Variants in LRRC7 observed in about 807,000 individuals in gnomAD.
LRRC7 encodes leucine-rich repeat-containing protein 7.
Under a neutral mutation model 175.7 loss-of-function variants are expected in LRRC7, and 23 were observed. The observed-to-expected ratio is 0.13, with a 90% CI of 0.09 to 0.19. The LOEUF is 0.19. LRRC7 is among the 10% of genes least tolerant of loss of function. LRRC7 has a pLI of 1.00. For missense variants in LRRC7, 1,354 were observed against 1,904.7 expected, an observed-to-expected ratio of 0.71 and a Z score of 5.38; for synonymous variants, 685 against 680.9, an observed-to-expected ratio of 1.01 and a Z score of -0.09.
intron 7 of LRRC7, among the ~76,000 whole-genome samples, chr1:69,925,172 C>T (rs1458235213): frequency 6.6e-6 from 1 of 152,268 alleles, no homozygotes; most frequent in Admixed American, 6.5e-5. Flanking sequence ...GGTGGATAAG[C>T]TTTTTGATGT....
intron 23 of LRRC7, among the ~76,000 whole-genome samples, chr1:70,069,332 TA>T (rs1461873264): frequency 2.6e-5 from 4 of 152,230 alleles, no homozygotes; most frequent in African/African-American, 9.6e-5. Context: ...CAGATGCTTA[TA>T]AACCCATCAG....
rs1053017227 is a variant in LRRC7 at position 69,676,316 on chromosome 1, A to G, written c.3-2065A>G. Among the ~76,000 whole-genome samples the G allele has an allele frequency of 5.9e-5, 9 of 152,094 alleles. No homozygotes were observed. The South Asian group carries it at 1.9e-3, about 32-fold the overall frequency. On this transcript the variant is annotated intron_variant, in intron 1 of 26. Transcript: ENST00000651989. The stretch of plus-strand genomic sequence containing the variant: ...CTGCCAGTATACCCGTAATAATCAC[A>G]CTGTTTTCAATGGTATGCATGCTAT...
chr1:69,596,572 G>T (rs1435869566), intron 1 of LRRC7, among the ~76,000 whole-genome samples: 1 of 152,066 alleles, frequency 6.6e-6, no homozygotes, highest in Non-Finnish European at 1.5e-5. Context: ...ACTAAATTGT[G>T]GTTATAAATA....
At chr1:70,045,826 G>C (rs1476252538) in intron 22 of LRRC7, among the ~76,000 whole-genome samples, 1 of 152,134 alleles carries the variant, frequency 6.6e-6, no homozygotes, top group Non-Finnish European at 1.5e-5. Context: ...AAGATTGCTT[G>C]TGCAGGGGAA....
chr1:70,039,230 GTGGTGAAT>G lies in LRRC7; in HGVS notation c.3407_3414del (p.Val1136GlyfsTer29). 1 of 1,613,894 alleles carries G rather than the reference GTGGTGAAT, an allele frequency of 6.2e-7. No individual in the cohort carries two copies. Among genetic ancestry groups the G allele is most frequent in the Middle Eastern group, 1.7e-4 (1 of 6,060 alleles). On this transcript the variant is annotated frameshift_variant, in exon 21 of 27. Transcript: ENST00000651989. LOFTEE classifies it high-confidence loss of function. ...TCAGCCATCTGTGAATGAGGATGCT[GTGGTGAAT>G]GCCCAGTTCGCAAGCCAAGGGGCCA...
intron 1 of LRRC7, among the ~76,000 whole-genome samples, chr1:69,640,410 T>C (rs1654029132): frequency 6.6e-6 from 1 of 151,736 alleles, no homozygotes; most frequent in Non-Finnish European, 1.5e-5. Flanking sequence ...ACTTGTATAA[T>C]AGTGAGCACT....
At chr1:69,581,405 A>G (rs1214299032) in intron 1 of LRRC7, among the ~76,000 whole-genome samples, 1 of 152,214 alleles carries the variant, frequency 6.6e-6, no homozygotes, top group East Asian at 1.9e-4. Flanking sequence ...AAGGTATTGG[A>G]TTCACTGCTG....
chr1:69,840,795 A>G (rs1437541186), intron 7 of LRRC7, among the ~76,000 whole-genome samples: 3 of 152,090 alleles, frequency 2.0e-5, no homozygotes, highest in Admixed American at 1.3e-4. Context: ...ATTATTTGTA[A>G]TAATAGAATA....
intron 7 of LRRC7, among the ~76,000 whole-genome samples, chr1:69,925,250 T>G (rs759201181): frequency 1.3e-5 from 2 of 152,194 alleles, no homozygotes; most frequent in Non-Finnish European, 2.9e-5. Context: ...AGGATATTGG[T>G]CTGTAATTCT....
intron 4 of LRRC7, among the ~76,000 whole-genome samples, chr1:69,809,468 C>A (rs757683668): frequency 6.6e-6 from 1 of 152,024 alleles, no homozygotes; most frequent in Non-Finnish European, 1.5e-5. Context: ...AGAGACACAA[C>A]AGAAAACAGA....
At chr1:69,755,527 A>G (rs1557686606) in intron 2 of LRRC7, among the ~76,000 whole-genome samples, 2 of 150,732 alleles carry the variant, frequency 1.3e-5, no homozygotes, top group African/African-American at 4.9e-5. Flanking sequence ...TGCAATGTAT[A>G]TCTACATTGC....
chr1:69,858,197 A>C (rs1307684457), intron 7 of LRRC7, among the ~76,000 whole-genome samples: 1 of 152,200 alleles, frequency 6.6e-6, no homozygotes, highest in Non-Finnish European at 1.5e-5. Flanking sequence ...GGACATAGGC[A>C]TGGGCAAGGA....
intron 1 of LRRC7, among the ~76,000 whole-genome samples, chr1:69,618,019 T>A (rs554185774): frequency 6.6e-6 from 1 of 152,148 alleles, no homozygotes; most frequent in African/African-American, 2.4e-5. Context: ...ATAACAATTA[T>A]GAAATCTGAC....
chr1:69,867,947 C>T (rs1186224863), intron 7 of LRRC7, among the ~76,000 whole-genome samples: 1 of 151,920 alleles, frequency 6.6e-6, no homozygotes, highest in Non-Finnish European at 1.5e-5. Flanking sequence ...AATTTTACTT[C>T]CATAAAAGTA....
intron 13 of LRRC7, among the ~76,000 whole-genome samples, chr1:70,014,753 G>T (rs1441284237): frequency 6.6e-6 from 1 of 152,008 alleles, no homozygotes; most frequent in Admixed American, 6.6e-5. Flanking sequence ...TAGGAACAAT[G>T]ATTCCTCTGC....
chr1:70,046,652 C>G (rs1660352433), intron 22 of LRRC7, among the ~76,000 whole-genome samples: 1 of 152,084 alleles, frequency 6.6e-6, no homozygotes, highest in Non-Finnish European at 1.5e-5. Flanking sequence ...GCATCTGGGA[C>G]AGCTTTCCCA....
intron 7 of LRRC7, among the ~76,000 whole-genome samples, chr1:69,909,531 GC>G (rs1388388243): frequency 6.6e-6 from 1 of 152,014 alleles, no homozygotes; most frequent in East Asian, 1.9e-4. Context: ...CACTTATGAA[GC>G]TTAGTTTGGC....
At chr1:69,918,334 T>C (rs1020076936) in intron 7 of LRRC7, among the ~76,000 whole-genome samples, 5 of 152,288 alleles carry the variant, frequency 3.3e-5, no homozygotes, top group Middle Eastern at 3.4e-3. Context: ...AAGCACGTTA[T>C]AGGAATGAAT....
chr1:69,615,356 T>C (rs1382554466), intron 1 of LRRC7, among the ~76,000 whole-genome samples: 2 of 152,036 alleles, frequency 1.3e-5, no homozygotes, highest in African/African-American at 2.4e-5. Flanking sequence ...ACTGGGAGTT[T>C]CTTAGAATGT....
Sources: allele counts gnomAD v4.1 joint callset (sites outside exome capture counted in the v4.1 genomes callset), GRCh38; gene constraint gnomAD v4.1.1; transcripts MANE v1.5; gene names NCBI Gene and HGNC (gene_info 2026-07-23, HGNC 2026-07-21).